The following PDIA5 variants were observed in gnomAD, a reference collection of about 807,000 sequenced individuals.
The protein encoded by PDIA5 is protein disulfide isomerase family A member 5.
A neutral mutation model predicts 77.6 loss-of-function variants in PDIA5; 58 were observed. The ratio of observed to expected loss-of-function variants is 0.75; its 90% confidence interval spans 0.61 to 0.93. The LOEUF is 0.93. Ranked by LOEUF, PDIA5 falls within the 40% of genes least tolerant of loss-of-function variation. The pLI is 0.00. For synonymous variants in PDIA5, 250 were observed against 252.1 expected, an observed-to-expected ratio of 0.99 and a Z score of 0.08; for missense variants, 630 against 647.7, an observed-to-expected ratio of 0.97 and a Z score of 0.30.
At chr3:123,069,580 G>A (rs1308066068) in intron 1 of PDIA5, among the ~76,000 whole-genome samples, 1 of 152,092 alleles carries the variant, frequency 6.6e-6, no homozygotes, top group Non-Finnish European at 1.5e-5. Context: ...ATTCTAGTGA[G>A]GACCCTCCTC....
At chr3:123,127,122 C>T (rs1465169733) in intron 10 of PDIA5, among the ~76,000 whole-genome samples, 1 of 152,172 alleles carries the variant, frequency 6.6e-6, no homozygotes, top group African/African-American at 2.4e-5. Context: ...TTTCTGGACT[C>T]GTAATGCTTA....
At position 123,096,267 on chromosome 3, in the gene PDIA5, C is replaced by T. The variant is rs1318840671; in HGVS notation, c.257+3825C>T. Among the ~76,000 whole-genome samples, 3 of 152,128 alleles carry T rather than the reference C, an allele frequency of 2.0e-5. No homozygotes were observed. In the East Asian group the frequency reaches 5.8e-4, roughly 29 times the overall value. ...AGGCTGCAGTGCAGTGTCACAATCT[C>T]GGTTCATTGCAGACTTGACCTCCCG... On this transcript the variant is annotated intron_variant, in intron 3 of 16. Transcript: ENST00000316218.
rs751366876 is a variant in PDIA5, at chr3:123,102,779, C to T, written c.370C>T (p.Arg124Ter). 1.9e-6 allele frequency: 3 copies of T among 1,609,198 alleles called. No individual in the cohort carries two copies. The highest frequency in any genetic ancestry group is 2.6e-6 in the Non-Finnish European group (3 of 1,175,432). ...QDGAFHTEYN[R>*]AVTFKSIVAF... ...TGGTGCATTTCATACTGAATATAAC[C>T]GAGCTGTGACATTTAAGGTAAATTT... Residue 124 changes from arginine to a stop codon, truncating the protein, a stop_gained, in exon 5 of 17, where the codon CGA becomes TGA. Coordinates refer to ENST00000316218, the MANE Select transcript of PDIA5 (RefSeq NM_006810.4). LOFTEE classifies it high-confidence loss of function.
At chr3:123,131,468 A>G (rs1280031235) in intron 11 of PDIA5, among the ~76,000 whole-genome samples, 1 of 151,562 alleles carries the variant, frequency 6.6e-6, no homozygotes, top group Non-Finnish European at 1.5e-5. Context: ...TTAAAAAAAA[A>G]AGATATTATC....
chr3:123,139,600 G>A (rs370501979), intron 11 of PDIA5, among the ~76,000 whole-genome samples: 1 of 152,330 alleles, frequency 6.6e-6, no homozygotes, highest in East Asian at 1.9e-4. Flanking sequence ...CTAGTGAGGT[G>A]CAGAGGAGGC....
intron 3 of PDIA5, among the ~76,000 whole-genome samples, chr3:123,095,323 G>GTGGT (rs1934404651): frequency 6.6e-6 from 1 of 152,216 alleles, no homozygotes; most frequent in Admixed American, 6.5e-5. Flanking sequence ...AGGGGGAGAA[G>GTGGT]TGGTATGCTT....
chr3:123,133,281 GTTTCC>G (rs1425068530), intron 11 of PDIA5, among the ~76,000 whole-genome samples: 10 of 152,338 alleles, frequency 6.6e-5, no homozygotes, highest in African/African-American at 2.4e-4. Context: ...GTCATCCTGC[GTTTCC>G]TAAGTGCAGA....
At chr3:123,153,447 G>T (rs1935957186) in intron 14 of PDIA5, among the ~76,000 whole-genome samples, 1 of 152,102 alleles carries the variant, frequency 6.6e-6, no homozygotes, top group Admixed American at 6.5e-5. Context: ...TCATGAATTT[G>T]AGCTATTTTT....
At chr3:123,079,326 G>A (rs1329408919) in intron 1 of PDIA5, among the ~76,000 whole-genome samples, 13 of 151,718 alleles carry the variant, frequency 8.6e-5, no homozygotes, top group Non-Finnish European at 1.9e-4. Flanking sequence ...GACTACAGGC[G>A]CCCGCCACCA....
intron 11 of PDIA5, among the ~76,000 whole-genome samples, chr3:123,136,892 T>C (rs1168926585): frequency 6.6e-6 from 1 of 152,208 alleles, no homozygotes; most frequent in Non-Finnish European, 1.5e-5. Flanking sequence ...TAAATCTACC[T>C]CAATCTTTTT....
At chr3:123,089,363 G>A in intron 2 of PDIA5, 69 bp downstream of exon 2, 1 of 1,509,472 alleles carries the variant, frequency 6.6e-7, no homozygotes, top group Non-Finnish European at 9.1e-7. Context: ...AGGAGTGGGA[G>A]GCAGGAGACG....
At chr3:123,082,316 G>A (rs774414530) in intron 1 of PDIA5, among the ~76,000 whole-genome samples, 45 of 152,138 alleles carry the variant, frequency 3.0e-4, no homozygotes, top group Admixed American at 1.9e-3. Flanking sequence ...CCTGGAGTCG[G>A]GAGGCCCAAG....
chr3:123,094,845 C>T (rs1326637790), intron 3 of PDIA5, among the ~76,000 whole-genome samples: 1 of 152,208 alleles, frequency 6.6e-6, no homozygotes, highest in Non-Finnish European at 1.5e-5. Context: ...ACTTCCTTCC[C>T]TGCCCACGAA....
chr3:123,079,919 C>G (rs1163704652), intron 1 of PDIA5, among the ~76,000 whole-genome samples: 1 of 151,948 alleles, frequency 6.6e-6, no homozygotes, highest in Non-Finnish European at 1.5e-5. Context: ...CTTATGAGAG[C>G]CTAGGTATTT....
intron 1 of PDIA5, 183 bp downstream of exon 1, chr3:123,067,389 C>T (rs1933596681): frequency 4.0e-6 from 2 of 498,858 alleles, no homozygotes; most frequent in Admixed American, 4.4e-5. Context: ...CGTCCCGGTG[C>T]CCTCGCCGCC....
chr3:123,137,701 G>A (rs1935533508), intron 11 of PDIA5, among the ~76,000 whole-genome samples: 1 of 152,114 alleles, frequency 6.6e-6, no homozygotes, highest in Admixed American at 6.5e-5. Flanking sequence ...CAAGAAACGT[G>A]CCAAAGGTCA....
At position 123,152,114 on chromosome 3, in the gene PDIA5, T is replaced by G. The variant is rs999440997; in HGVS notation, c.1273+1750T>G. Among the ~76,000 whole-genome samples, 7 of 140,388 alleles carry G rather than the reference T, an allele frequency of 5.0e-5. No individual in the cohort carries two copies. The East Asian group carries it at 1.5e-3, about 31-fold the overall frequency. The allele number at this position is 140,388 out of a possible 152,430, so 92.1% of individuals were successfully genotyped here. On this transcript the variant is annotated intron_variant, in intron 14 of 16. Coordinates refer to ENST00000316218, the MANE Select transcript of PDIA5 (RefSeq NM_006810.4). ...CTGCCTTCCTGCCTTCCTTCCTTCC[T>G]TCCTTCCTTCCTGCCTTCCTTCCTG...
At chr3:123,076,063 G>T in intron 1 of PDIA5, among the ~76,000 whole-genome samples, 1 of 152,146 alleles carries the variant, frequency 6.6e-6, no homozygotes, top group Admixed American at 6.5e-5. Context: ...AGATGGATCA[G>T]GTTGTCATTG....
At chr3:123,124,240 C>T (rs1213737406) in intron 9 of PDIA5, 32 bp from the exon 10 acceptor site, 2 of 1,591,280 alleles carry the variant, frequency 1.3e-6, no homozygotes, top group African/African-American at 2.7e-5. Context: ...GCATCCGTGA[C>T]TGAGCCCACG....
Sources: gnomAD v4.1 joint callset for allele counts (sites outside exome capture counted in the v4.1 genomes callset) on GRCh38, gnomAD v4.1.1 for gene constraint, MANE v1.5 for transcripts, NCBI Gene and HGNC (gene_info 2026-07-23, HGNC 2026-07-21) for gene names.